XIRP2: variants seen among roughly 807,000 people sequenced by gnomAD.
XIRP2 encodes the protein xin actin-binding repeat-containing protein 2.
A neutral mutation model predicts 277.0 loss-of-function variants in XIRP2; 236 were observed. The observed-to-expected ratio is 0.85, with a 90% CI of 0.77 to 0.95. XIRP2 has a LOEUF of 0.95. Among genes scored for constraint, XIRP2 ranks in the 40% least tolerant of loss-of-function variants. The pLI is 0.00. For missense variants in XIRP2, 4,640 were observed against 4,157.5 expected (o/e 1.12, Z -3.19); for synonymous variants, 1,490 against 1,416.5 (o/e 1.05, Z -1.17).
intron 3 of XIRP2, among the ~76,000 whole-genome samples, chr2:167,199,494 A>T (rs1693617238): frequency 6.6e-6 from 1 of 152,214 alleles, no homozygotes; most frequent in African/African-American, 2.4e-5. Flanking sequence ...AAAGCCTATG[A>T]AAGAAAGGGT....
At chr2:166,933,367 C>T (rs1355775454) in intron 2 of XIRP2, among the ~76,000 whole-genome samples, 4 of 151,934 alleles carry the variant, frequency 2.6e-5, no homozygotes, top group Non-Finnish European at 5.9e-5. Flanking sequence ...CCAGGATGAT[C>T]TCGATCTCCT....
At chr2:167,139,939 G>A (rs1162587389) in intron 3 of XIRP2, among the ~76,000 whole-genome samples, 1 of 152,150 alleles carries the variant, frequency 6.6e-6, no homozygotes, top group South Asian at 2.1e-4. Context: ...TTCGTCCAAT[G>A]AGCTGTCTAC....
chr2:167,190,684 A>G (rs1209979588), intron 3 of XIRP2, among the ~76,000 whole-genome samples: 1 of 152,206 alleles, frequency 6.6e-6, no homozygotes, highest in African/African-American at 2.4e-5. Context: ...AATGACAATT[A>G]GGCAATGAAA....
At chr2:167,118,590 T>A (rs1690965321) in intron 2 of XIRP2, among the ~76,000 whole-genome samples, 1 of 152,088 alleles carries the variant, frequency 6.6e-6, no homozygotes, top group South Asian at 2.1e-4. Context: ...ACCGTTCGAG[T>A]ACACAGCATT....
At chr2:167,218,566 T>A (rs1160821542) in intron 5 of XIRP2, among the ~76,000 whole-genome samples, 2 of 152,170 alleles carry the variant, frequency 1.3e-5, no homozygotes, top group African/African-American at 4.8e-5. Flanking sequence ...AAATGAAAAT[T>A]AAATAGTCTA....
At chr2:166,977,809 T>G (rs1686755510) in intron 2 of XIRP2, among the ~76,000 whole-genome samples, 1 of 152,136 alleles carries the variant, frequency 6.6e-6, no homozygotes, top group Admixed American at 6.5e-5. Context: ...GATAGCAATT[T>G]TCATAATTCA....
chr2:167,195,641 C>G (rs1371732475), intron 3 of XIRP2, among the ~76,000 whole-genome samples: 1 of 152,054 alleles, frequency 6.6e-6, no homozygotes, highest in Non-Finnish European at 1.5e-5. Flanking sequence ...TCATGGGAAT[C>G]TAAAGGAGAG....
At chr2:166,931,181 T>C (rs1243680333) in intron 2 of XIRP2, among the ~76,000 whole-genome samples, 1 of 152,136 alleles carries the variant, frequency 6.6e-6, no homozygotes, top group Non-Finnish European at 1.5e-5. Flanking sequence ...ATATGAAGAC[T>C]AAACAAAGGC....
Position 167,245,512 on chromosome 2 carries a change from G to C in XIRP2, c.4120G>C (p.Val1374Leu). ...KSETVYVIKS[V>L]TQEDIQKGDV... ...AGAAACTGTGTATGTTATTAAATCT[G>C]TCACACAAGAAGACATTCAGAAGGG... The change falls in exon 9 of 11, where the codon GTC becomes CTC. Residue 1374 changes from valine to leucine, a missense_variant. By Grantham distance (32) the Val-to-Leu change is conservative (BLOSUM62 1). Transcript: ENST00000409195. 1 of 1,613,582 alleles carries C rather than the reference G, an allele frequency of 6.2e-7. No homozygotes were observed. The highest frequency in any genetic ancestry group is 8.5e-7 in the Non-Finnish European group (1 of 1,179,740).
rs768306569 is a variant in XIRP2 at position 167,251,770 on chromosome 2, G to A, written c.10378G>A (p.Asp3460Asn). 1.9e-6 allele frequency: 3 copies of A among 1,613,378 alleles called. No individual in the cohort carries two copies. The highest frequency in any genetic ancestry group is 2.5e-6 in the Non-Finnish European group (3 of 1,179,588). ...CAAGCATGCCCCACCAACCTATGAGGATGTCATTGCTGGACATATTTTAGA... is the reference window on the plus strand; with the variant it reads ...CAAGCATGCCCCACCAACCTATGAGAATGTCATTGCTGGACATATTTTAGA... The part of the protein sequence containing the change: ...DFKHAPPTYE[D>N]VIAGHILDIS... Residue 3460 changes from aspartate to asparagine, a missense_variant, in exon 9 of 11, where the codon GAT (aspartate) becomes AAT (asparagine). Asp to Asn is a conservative substitution (Grantham distance 23). Transcript: ENST00000409195.
At chr2:167,215,701 C>T (rs1694226433) in intron 4 of XIRP2, among the ~76,000 whole-genome samples, 1 of 152,068 alleles carries the variant, frequency 6.6e-6, no homozygotes, top group African/African-American at 2.4e-5. Context: ...GAAGTATTGC[C>T]AAGTCTTCCA....
At chr2:167,185,598 A>G (rs188475722) in intron 3 of XIRP2, among the ~76,000 whole-genome samples, 67 of 152,164 alleles carry the variant, frequency 4.4e-4, no homozygotes, top group African/African-American at 1.5e-3. Flanking sequence ...AACAACCTTT[A>G]AAAAGAGTAA....
At chr2:166,891,523 T>G (rs1378579207) in intron 1 of XIRP2, among the ~76,000 whole-genome samples, 1 of 152,168 alleles carries the variant, frequency 6.6e-6, no homozygotes, top group Non-Finnish European at 1.5e-5. Flanking sequence ...ATATTGAAAA[T>G]GCCATTTCTT....
chr2:167,163,890 C>T (rs1473955153), intron 3 of XIRP2, among the ~76,000 whole-genome samples: 1 of 152,128 alleles, frequency 6.6e-6, no homozygotes, highest in Non-Finnish European at 1.5e-5. Context: ...TGTTCCAGTA[C>T]CATTTTTTGA....
Position 167,244,235 on chromosome 2 carries a change from A to G in XIRP2, c.2843A>G (p.Tyr948Cys), listed in dbSNP as rs1359785318. 1 of 1,613,774 alleles carries G rather than the reference A, an allele frequency of 6.2e-7. No individual in the cohort carries two copies. Among genetic ancestry groups the G allele is most frequent in the Non-Finnish European group, 8.5e-7 (1 of 1,179,864 alleles). The change falls in exon 9 of 11, where the codon TAC (tyrosine) becomes TGC (cysteine). Residue 948 changes from tyrosine (Y) to cysteine (C), a missense_variant. Transcript: ENST00000409195. Reference protein sequence around the residue: ...EEVDRGDVKNYTHIFESNNLI... With the variant: ...EEVDRGDVKNCTHIFESNNLI... ...GTTGACAGAGGAGATGTGAAGAATT[A>G]CACACATATCTTTGAATCAAACAAT...
chr2:167,023,017 G>C (rs912088611), intron 2 of XIRP2, among the ~76,000 whole-genome samples: 23 of 152,170 alleles, frequency 1.5e-4, no homozygotes, highest in Non-Finnish European at 3.1e-4. Context: ...CTAGATCCCT[G>C]AGGAATCGCC....
At chr2:167,027,110 G>A (rs1412693457) in intron 2 of XIRP2, among the ~76,000 whole-genome samples, 2 of 152,066 alleles carry the variant, frequency 1.3e-5, no homozygotes, top group African/African-American at 4.8e-5. Context: ...TTCCATCTTG[G>A]TTCCATTCTC....
chr2:167,243,963 T>C lies in XIRP2; in HGVS notation c.2571T>C (p.Pro857=). The C allele has an allele frequency of 1.2e-6, 2 of 1,614,084 alleles. No homozygotes were observed. Among genetic ancestry groups the C allele is most frequent in the Non-Finnish European group, 8.5e-7 (1 of 1,179,968 alleles). Reference sequence around the variant, plus strand: ...CATTAGACATTCTAAAAGAAGTTCCTGATGCAGATTCTCTACAACGTGAGG... The same window carrying C: ...CATTAGACATTCTAAAAGAAGTTCCCGATGCAGATTCTCTACAACGTGAGG... The part of the protein sequence containing the change: ...TQPLDILKEV[P]DADSLQREEI... The change falls in exon 9 of 11, where the codon CCT becomes CCC. Residue 857 remains proline, a synonymous_variant. Coordinates refer to ENST00000409195, the MANE Select transcript of XIRP2 (RefSeq NM_152381.6).
intron 4 of XIRP2, among the ~76,000 whole-genome samples, chr2:167,217,283 TAA>T (rs201024264): frequency 5.8e-5 from 8 of 136,992 alleles, no homozygotes; most frequent in African/African-American, 1.6e-4. Flanking sequence ...TAAAGTATAA[TAA>T]AAAAAAAAAA....
Sources: gnomAD v4.1 joint callset for allele counts (sites outside exome capture counted in the v4.1 genomes callset) on GRCh38, gnomAD v4.1.1 for gene constraint, MANE v1.5 for transcripts, NCBI Gene and HGNC (gene_info 2026-07-23, HGNC 2026-07-21) for gene names.